Variants in ITLN1 observed in about 807,000 individuals in gnomAD.
ITLN1 encodes intelectin 1, also known as intelectin-1.
A neutral mutation model predicts 36.2 loss-of-function variants in ITLN1; 29 were observed. The observed-to-expected ratio is 0.80, with a 90% CI of 0.60 to 1.09. The LOEUF is 1.09. ITLN1 is among the 50% of genes least tolerant of loss of function. ITLN1 has a pLI of 0.00. For synonymous variants in ITLN1, 143 were observed against 146.5 expected (o/e 0.98, Z 0.17); for missense variants, 358 against 405.2 (o/e 0.88, Z 1.00).
chr1:160,876,879 T>A, intron 7 of ITLN1, 63 bp from the exon 8 acceptor site: 1 of 1,517,354 alleles, frequency 6.6e-7, no homozygotes, highest in Non-Finnish European at 9.1e-7. Flanking sequence ...AATGCCATCT[T>A]AACAGCTGAA....
chr1:160,879,163 A>C, intron 7 of ITLN1, 148 bp downstream of exon 7: 2 of 672,518 alleles, frequency 3.0e-6, no homozygotes, highest in South Asian at 3.6e-5. Context: ...TGGCCCCTGA[A>C]GCTCAGCAAT....
chr1:160,879,492 G>T, intron 6 of ITLN1, 78 bp from the exon 7 acceptor site: 1 of 1,102,236 alleles, frequency 9.1e-7, no homozygotes, highest in Admixed American at 1.8e-5. Flanking sequence ...AGAGGCTCTC[G>T]ATGCCAAAGC....
chr1:160,882,266 T>A, intron 3 of ITLN1, 62 bp from the exon 4 acceptor site: 1 of 1,517,916 alleles, frequency 6.6e-7, no homozygotes, highest in South Asian at 1.3e-5. Context: ...TTCAGCCCCA[T>A]GACAAGAAAG....
chr1:160,882,002 G>A lies in ITLN1; in HGVS notation c.360C>T (p.Tyr120=). Residue 120 remains tyrosine (Y), a synonymous_variant, in exon 4 of 8, where the codon TAC becomes TAT. Transcript: ENST00000326245. Reference sequence around the variant, plus strand: ...CCGCCTCTGCAGATCCAAAGGTGTTGTAGTTGGCCCAGTTGCCGTCCCCCT... The same window carrying A: ...CCGCCTCTGCAGATCCAAAGGTGTTATAGTTGGCCCAGTTGCCGTCCCCCT... ...YPEGDGNWAN[Y]NTFGSAEAAT... The A allele has an allele frequency of 6.2e-7, 1 of 1,614,090 alleles. No individual in the cohort carries two copies. Among genetic ancestry groups the A allele is most frequent in the Non-Finnish European group, 8.5e-7 (1 of 1,180,018 alleles).
chr1:160,881,484 T>G, intron 4 of ITLN1, 172 bp from the exon 5 acceptor site: 535 of 598,508 alleles, frequency 8.9e-4, no homozygotes, highest in Middle Eastern at 1.9e-3. Flanking sequence ...CCCAGGGCCC[T>G]AACAGCCTTG....
Position 160,882,036 on chromosome 1 carries a change from A to T in ITLN1, c.326T>A (p.Val109Asp), listed in dbSNP as rs2274907. ...CCAGTTGCCGTCCCCCTCTGGGTAG[A>T]CTGCTTTGCTGCCCTGCTGACTGGA... ...RWSSQQGSKA[V>D]YPEGDGNWAN... is the part of the protein sequence containing the mutation. The change falls in exon 4 of 8, where the codon GTC (valine) becomes GAC (aspartate). Residue 109 changes from valine (V) to aspartate (D), a missense_variant. Coordinates refer to ENST00000326245, the MANE Select transcript of ITLN1 (RefSeq NM_017625.3). The T allele has an allele frequency of 0.66, 1,070,967 of 1,613,736 alleles. 359,298 individuals carry two copies. Among genetic ancestry groups the T allele is most frequent in the Middle Eastern group, 0.71 (4,289 of 6,056 alleles).
At chr1:160,883,583 C>G (rs1670713491) in intron 2 of ITLN1, 57 bp from the exon 3 acceptor site, 7 of 1,211,680 alleles carry the variant, frequency 5.8e-6, no homozygotes, top group Admixed American at 5.1e-5. Flanking sequence ...CCTACCCTCT[C>G]CTATCACTAG....
rs144448949 is a variant in ITLN1 at position 160,881,257 on chromosome 1, T to A, written c.461A>T (p.Asn154Ile). The change falls in exon 5 of 8, where the codon AAT becomes ATT. Residue 154 changes from asparagine to isoleucine, a missense_variant. By Grantham distance (149) the Asn-to-Ile change is moderately radical (BLOSUM62 -3). Transcript: ENST00000326245. ...AKDLGIWHVPNKSPMQHWRNS... is the reference protein window; with the variant it reads ...AKDLGIWHVPIKSPMQHWRNS... ...TCTCCAGTGCTGCATGGGGGACTTA[T>A]TGGGCACGTGCCAGATGCCCAGGTC... 4 of 1,612,842 alleles carry A rather than the reference T, an allele frequency of 2.5e-6. No individual in the cohort carries two copies. The South Asian group carries it at 4.4e-5, about 18-fold the overall frequency.
chr1:160,878,773 G>T (rs1670633964), intron 7 of ITLN1, among the ~76,000 whole-genome samples: 1 of 152,198 alleles, frequency 6.6e-6, no homozygotes, highest in East Asian at 1.9e-4. Flanking sequence ...CACCATTCAG[G>T]ATTCCTGAGC....
chr1:160,876,730 T>C lies in ITLN1; in HGVS notation c.876A>G (p.Gly292=), dbSNP rs757885209. Residue 292 remains glycine (G), a synonymous_variant, in exon 8 of 8, where the codon GGA becomes GGG. Transcript: ENST00000326245. ...GGCTGCTGCTGTAACCAACATGAGT[T>C]CCATATCCACTCCAATCAAAACCAG... ...DFSGFDWSGY[G]THVGYSSSRE... The C allele has an allele frequency of 1.9e-6, 3 of 1,614,170 alleles. No homozygotes were observed. In the East Asian group the frequency reaches 6.7e-5, roughly 36 times the overall value.
rs144193722 is a variant in ITLN1, at chr1:160,883,430, A to G, written c.155T>C (p.Phe52Ser). The G allele has an allele frequency of 6.9e-5, 111 of 1,607,402 alleles. No homozygotes were observed. In the African/African-American group the frequency reaches 1.3e-3, roughly 19 times the overall value. The change falls in exon 3 of 8, where the codon TTT becomes TCT. Residue 52 changes from phenylalanine to serine, a missense_variant and splice_region_variant. Physicochemically the swap from Phe to Ser is radical, Grantham distance 155. Coordinates refer to ENST00000326245, the MANE Select transcript of ITLN1 (RefSeq NM_017625.3). ...TGTTTGAATGTTTCATCACTCACCA[A>G]ATGCACTAGGACATTCGTCTTTGAT... ...KEIKDECPSA[F>S]DGLYFLRTEN...
intron 7 of ITLN1, among the ~76,000 whole-genome samples, chr1:160,877,334 C>A (rs1670606088): frequency 6.6e-6 from 1 of 152,176 alleles, no homozygotes; most frequent in South Asian, 2.1e-4. Context: ...AGAGCCCCTG[C>A]CTGTTCTCTT....
At chr1:160,884,920 T>C (rs191377321) in intron 1 of ITLN1, 37 bp from the exon 2 acceptor site, 3 of 1,419,102 alleles carry the variant, frequency 2.1e-6, no homozygotes, top group Admixed American at 3.4e-5. Flanking sequence ...ATCTTGGCCA[T>C]CATTTTTCTC....
At chr1:160,883,777 C>G (rs1467043235) in intron 2 of ITLN1, among the ~76,000 whole-genome samples, 1 of 152,232 alleles carries the variant, frequency 6.6e-6, no homozygotes, top group Non-Finnish European at 1.5e-5. Context: ...CGCCACAAGA[C>G]CTGTCCTTGT....
chr1:160,881,895 G>A (rs992918068), intron 4 of ITLN1, 62 bp downstream of exon 4: 2 of 1,612,836 alleles, frequency 1.2e-6, no homozygotes, highest in South Asian at 2.2e-5. Context: ...CCTCCTGCAG[G>A]CTTGTGGCCA....
In ITLN1 at chr1:160,878,892, G is replaced by A. The variant is rs568988116; in HGVS notation, c.789+419C>T. ...GCAGTGTGTATCTAGGCAAACCATG[G>A]CTAGGGTTGGGGAGGTCCAGGTTTT... is the stretch of plus-strand genomic sequence containing the variant. On this transcript the variant is annotated intron_variant, in intron 7 of 7. Transcript: ENST00000326245. 2.6e-5 allele frequency among the ~76,000 whole-genome samples: 4 copies of A among 152,186 alleles called. No individual in the cohort carries two copies. In the East Asian group the frequency reaches 5.8e-4, roughly 22 times the overall value.
chr1:160,881,010 A>C, intron 5 of ITLN1, 144 bp downstream of exon 5: 1 of 1,006,598 alleles, frequency 9.9e-7, no homozygotes, highest in South Asian at 1.8e-5. Context: ...TAGAATTCCT[A>C]AGAGAAGCAA....
intron 7 of ITLN1, 32 bp downstream of exon 7, chr1:160,879,279 C>G: frequency 6.6e-7 from 1 of 1,519,200 alleles, no homozygotes; most frequent in East Asian, 2.3e-5. Context: ...CGACCTTACT[C>G]ACAGGTCCCT....
chr1:160,878,971 A>G (rs1459219431), intron 7 of ITLN1, among the ~76,000 whole-genome samples: 1 of 152,106 alleles, frequency 6.6e-6, no homozygotes, highest in South Asian at 2.1e-4. Context: ...TTCTCAAGGA[A>G]TCTCAGCTCT....
Sources: allele counts gnomAD v4.1 joint callset (sites outside exome capture counted in the v4.1 genomes callset), GRCh38; gene constraint gnomAD v4.1.1; transcripts MANE v1.5; gene names NCBI Gene and HGNC (gene_info 2026-07-23, HGNC 2026-07-21).